The following KLF12 variants were observed in gnomAD, a reference collection of about 807,000 sequenced individuals.
KLF12 encodes the protein KLF transcription factor 12.
Under a neutral mutation model 37.8 loss-of-function variants are expected in KLF12, and 9 were observed. The observed-to-expected ratio is 0.24, with a 90% CI of 0.14 to 0.42. The LOEUF (loss-of-function observed/expected upper bound fraction) is 0.42. Among genes scored for constraint, KLF12 ranks in the 10% least tolerant of loss-of-function variants. KLF12 has a pLI of 1.00. For missense variants in KLF12, 411 were observed against 516.0 expected (o/e 0.80, Z 1.97); for synonymous variants, 208 against 202.1 (o/e 1.03, Z -0.25).
chr13:74,177,329 G>A, the KLF12 span, among the ~76,000 whole-genome samples: 1 of 152,172 alleles, frequency 6.6e-6, no homozygotes, highest in African/African-American at 2.4e-5. Context: ...GTGTGAAAGT[G>A]TATGGTATGT....
chr13:73,903,586 C>T lies in KLF12; in HGVS notation c.123+40395G>A, dbSNP rs528906119. The stretch of plus-strand genomic sequence containing the variant: ...GTCATACAATTCTCAAAAGGTAGAT[C>T]GCCTAAATTTTAACAATTGGGTGTG... On this transcript the variant is annotated intron_variant, in intron 3 of 7. Coordinates refer to ENST00000377669, the MANE Select transcript of KLF12 (RefSeq NM_007249.5). Among the ~76,000 whole-genome samples the T allele has an allele frequency of 2.2e-4, 34 of 152,266 alleles. 1 individual carries two copies. The South Asian group carries it at 6.8e-3, about 31-fold the overall frequency.
At chr13:73,783,058 C>T (rs1881075717) in intron 5 of KLF12, among the ~76,000 whole-genome samples, 1 of 152,268 alleles carries the variant, frequency 6.6e-6, no homozygotes, top group East Asian at 1.9e-4. Flanking sequence ...TTCCACACCA[C>T]ACAAAACAAA....
At chr13:73,790,295 T>C (rs1486828869) in intron 5 of KLF12, among the ~76,000 whole-genome samples, 1 of 152,182 alleles carries the variant, frequency 6.6e-6, no homozygotes, top group Non-Finnish European at 1.5e-5. Flanking sequence ...CTTTTCATTT[T>C]TTATTTTTAT....
rs189626992 is a variant in KLF12 at position 73,840,304 on chromosome 13, C to T, written c.670+5523G>A. ...CTTCACTTTCTAACCTCACAATGCT[C>T]AGGTGTCCAGTCGTCCATGCTTCTC... On this transcript the variant is annotated intron_variant, in intron 4 of 7. Transcript: ENST00000377669. Among the ~76,000 whole-genome samples, 9 of 152,240 alleles carry T rather than the reference C, an allele frequency of 5.9e-5. No individual in the cohort carries two copies. The South Asian group carries it at 8.3e-4, about 14-fold the overall frequency.
chr13:74,148,405 T>C, the KLF12 span, among the ~76,000 whole-genome samples: 1 of 119,936 alleles, frequency 8.3e-6, no homozygotes, highest in African/African-American at 4.8e-5. Flanking sequence ...AAACTGCTCT[T>C]TTTTTTTTTT....
chr13:73,779,384 C>T lies in KLF12; in HGVS notation c.807-14384G>A, dbSNP rs1880822383. On this transcript the variant is annotated intron_variant, in intron 5 of 7. Coordinates refer to ENST00000377669, the MANE Select transcript of KLF12 (RefSeq NM_007249.5). ...TGGCCAATGATTTGATCCCTCATGC[C>T]TATGGAATGAAACCTCAATAAAACT... Among the ~76,000 whole-genome samples the T allele has an allele frequency of 2.6e-5, 4 of 152,240 alleles. No homozygotes were observed. In the South Asian group the frequency reaches 8.3e-4, roughly 32 times the overall value.
At chr13:73,789,840 T>C (rs7990858) in intron 5 of KLF12, among the ~76,000 whole-genome samples, 106,305 of 151,800 alleles carry the variant, frequency 0.7, 37,402 homozygotes, top group African/African-American at 0.72. Flanking sequence ...CTACGCCCGG[T>C]TTATTTTTTG....
chr13:73,939,144 C>T (rs1390774809), intron 3 of KLF12, among the ~76,000 whole-genome samples: 1 of 152,146 alleles, frequency 6.6e-6, no homozygotes, highest in Non-Finnish European at 1.5e-5. Flanking sequence ...AACACCCTTG[C>T]AGTTAGTGTA....
At chr13:74,257,010 A>C in the KLF12 span, 2 of 152,300 alleles carry the variant, frequency 1.3e-5, no homozygotes, top group South Asian at 4.1e-4. Flanking sequence ...AACAGAGTGA[A>C]CATTTTGCCT....
At chr13:74,151,694 C>T in the KLF12 span, among the ~76,000 whole-genome samples, 1 of 148,756 alleles carries the variant, frequency 6.7e-6, no homozygotes, top group African/African-American at 2.5e-5. Context: ...TCTCCAAACC[C>T]AGGAAGAAGT....
chr13:73,998,072 A>T (rs957978922), intron 1 of KLF12, among the ~76,000 whole-genome samples: 18 of 152,074 alleles, frequency 1.2e-4, no homozygotes, highest in African/African-American at 4.1e-4. Context: ...TCCACATATG[A>T]TCACTCAAGT....
chr13:73,719,170 G>A (rs1412392274), intron 6 of KLF12, among the ~76,000 whole-genome samples: 1 of 152,196 alleles, frequency 6.6e-6, no homozygotes, highest in Non-Finnish European at 1.5e-5. Flanking sequence ...GGTAAGTGAA[G>A]CTGAGGTAAC....
At chr13:73,849,898 G>C (rs960693753) in intron 3 of KLF12, among the ~76,000 whole-genome samples, 1 of 152,138 alleles carries the variant, frequency 6.6e-6, no homozygotes, top group Non-Finnish European at 1.5e-5. Flanking sequence ...ATGAAAGATA[G>C]AAGACTTACT....
At chr13:73,764,644 A>G (rs1299462850) in intron 6 of KLF12, among the ~76,000 whole-genome samples, 1 of 152,160 alleles carries the variant, frequency 6.6e-6, no homozygotes, top group Non-Finnish European at 1.5e-5. Flanking sequence ...TACCTTCGAA[A>G]AAAAGGAAAA....
At chr13:73,934,989 ATTTT>A (rs1171380266) in intron 3 of KLF12, among the ~76,000 whole-genome samples, 1 of 142,808 alleles carries the variant, frequency 7.0e-6, no homozygotes, top group African/African-American at 2.6e-5. Flanking sequence ...TTATTTATTT[ATTTT>A]GAGACAGATG....
At chr13:73,853,736 C>A (rs1156995315) in intron 3 of KLF12, among the ~76,000 whole-genome samples, 8 of 77,484 alleles carry the variant, frequency 1.0e-4, no homozygotes, top group Non-Finnish European at 1.4e-4. Flanking sequence ...GAGACCCTGT[C>A]TAAAAAAAAA....
At chr13:73,948,094 A>T (rs1348350445) in intron 2 of KLF12, among the ~76,000 whole-genome samples, 1 of 152,238 alleles carries the variant, frequency 6.6e-6, no homozygotes, top group Non-Finnish European at 1.5e-5. Flanking sequence ...CTTCACGTTC[A>T]GCTACAGGTG....
intron 1 of KLF12, among the ~76,000 whole-genome samples, chr13:74,133,026 T>C (rs553486411): frequency 6.6e-6 from 1 of 152,276 alleles, no homozygotes; most frequent in African/African-American, 2.4e-5. Flanking sequence ...CGTACAAAGT[T>C]GCCCCTTGTC....
the KLF12 span, among the ~76,000 whole-genome samples, chr13:74,143,762 T>C: frequency 6.6e-6 from 1 of 152,208 alleles, no homozygotes; most frequent in African/African-American, 2.4e-5. Context: ...GTAGAAGCCA[T>C]ACCTTGAGTG....
Sources: gnomAD v4.1 joint callset for allele counts (sites outside exome capture counted in the v4.1 genomes callset) on GRCh38, gnomAD v4.1.1 for gene constraint, MANE v1.5 for transcripts, NCBI Gene and HGNC (gene_info 2026-07-23, HGNC 2026-07-21) for gene names.